Variants in ZBTB20 observed in about 807,000 individuals in gnomAD.
ZBTB20 encodes the protein zinc finger and BTB domain-containing protein 20.
A neutral mutation model predicts 56.9 loss-of-function variants in ZBTB20; 9 were observed. The ratio of observed to expected loss-of-function variants is 0.16; its 90% confidence interval spans 0.10 to 0.28. The LOEUF (loss-of-function observed/expected upper bound fraction) is 0.28, where lower values mean the gene tolerates loss of function less well. ZBTB20 is among the 10% of genes least tolerant of loss of function. ZBTB20 has a pLI of 1.00. For synonymous variants in ZBTB20, 417 were observed against 420.7 expected (o/e 0.99, Z 0.11); for missense variants, 655 against 1,003.0 (o/e 0.65, Z 4.69).
chr3:114,514,028 C>T (rs918543908), intron 6 of ZBTB20, among the ~76,000 whole-genome samples: 1 of 151,730 alleles, frequency 6.6e-6, no homozygotes, highest in African/African-American at 2.4e-5. Context: ...AACAGATATT[C>T]GATTTACCAA....
intron 3 of ZBTB20, among the ~76,000 whole-genome samples, chr3:114,960,147 G>A (rs573403497): frequency 2.4e-4 from 36 of 152,278 alleles, no homozygotes; most frequent in Non-Finnish European, 5.0e-4. Flanking sequence ...GCAGTAACTA[G>A]AATATATAAT....
At chr3:114,597,936 A>G (rs907681101) in intron 6 of ZBTB20, among the ~76,000 whole-genome samples, 1 of 152,192 alleles carries the variant, frequency 6.6e-6, no homozygotes, top group African/African-American at 2.4e-5. Context: ...AAAAATAATT[A>G]TTTTCCCTGT....
intron 6 of ZBTB20, among the ~76,000 whole-genome samples, chr3:114,642,515 G>A (rs567708537): frequency 6.6e-6 from 1 of 152,126 alleles, no homozygotes; most frequent in South Asian, 2.1e-4. Flanking sequence ...GTGAGAAATA[G>A]AGCATACTGA....
intron 4 of ZBTB20, among the ~76,000 whole-genome samples, chr3:114,886,441 T>C (rs2076603945): frequency 6.6e-6 from 1 of 152,214 alleles, no homozygotes; most frequent in Non-Finnish European, 1.5e-5. Flanking sequence ...AATACTTTTG[T>C]CCATCTACGA....
chr3:114,571,795 G>A (rs2053465316), intron 6 of ZBTB20, among the ~76,000 whole-genome samples: 1 of 152,136 alleles, frequency 6.6e-6, no homozygotes, highest in African/African-American at 2.4e-5. Context: ...AGTATCTCTT[G>A]AGGTGGAACT....
Position 115,073,032 on chromosome 3 carries a change from T to C in ZBTB20, c.-702-1618A>G, listed in dbSNP as rs187498229. Among the ~76,000 whole-genome samples the C allele has an allele frequency of 2.5e-4, 38 of 152,318 alleles. No homozygotes were observed. In the Middle Eastern group the frequency reaches 0.024, roughly 95 times the overall value. On this transcript the variant is annotated intron_variant, in intron 1 of 11. Coordinates refer to ENST00000675478, the MANE Select transcript of ZBTB20 (RefSeq NM_001348800.3). The stretch of plus-strand genomic sequence containing the variant: ...TAAGCACAAGGGGTGATTCAATAAA[T>C]GTCAGTCATTATCAGTGTCATTTTC...
chr3:114,886,971 G>C (rs1471478822), intron 4 of ZBTB20, among the ~76,000 whole-genome samples: 1 of 152,178 alleles, frequency 6.6e-6, no homozygotes, highest in Non-Finnish European at 1.5e-5. Flanking sequence ...AGGCTGGGAA[G>C]TCCAAGGTTG....
chr3:114,971,698 A>C (rs894812601), intron 3 of ZBTB20, among the ~76,000 whole-genome samples: 1 of 152,218 alleles, frequency 6.6e-6, no homozygotes, highest in Non-Finnish European at 1.5e-5. Flanking sequence ...CAGGCACATA[A>C]ATGCAGGTAC....
intron 5 of ZBTB20, among the ~76,000 whole-genome samples, chr3:114,798,289 A>G (rs2071459432): frequency 6.6e-6 from 1 of 151,706 alleles, no homozygotes; most frequent in Non-Finnish European, 1.5e-5. Context: ...ATTTGCCTCT[A>G]CAGGACTCGT....
rs115817591 is a variant in ZBTB20 at position 115,018,335 on chromosome 3, C to G, written c.-506-43919G>C. On this transcript the variant is annotated intron_variant, in intron 2 of 11. Transcript: ENST00000675478. ...TTAACAAGATAAAATTAACCACAGACTATAACGAAAAGTAATTTCAGCAGG... is the reference window on the plus strand; with the variant it reads ...TTAACAAGATAAAATTAACCACAGAGTATAACGAAAAGTAATTTCAGCAGG... 6.3e-3 allele frequency among the ~76,000 whole-genome samples: 948 copies of G among 151,236 alleles called. 17 individuals carry two copies. The highest frequency in any genetic ancestry group is 0.02 in the African/African-American group (826 of 41,352).
intron 6 of ZBTB20, among the ~76,000 whole-genome samples, chr3:114,538,839 A>G (rs1357240143): frequency 6.6e-6 from 1 of 152,200 alleles, no homozygotes; most frequent in Non-Finnish European, 1.5e-5. Flanking sequence ...GTATTAAAAA[A>G]TCTCAAAAAT....
chr3:114,655,904 G>A (rs1375349186), intron 6 of ZBTB20, among the ~76,000 whole-genome samples: 1 of 152,046 alleles, frequency 6.6e-6, no homozygotes, highest in Non-Finnish European at 1.5e-5. Flanking sequence ...CATGTAAATA[G>A]ATACTTTAAA....
chr3:115,003,563 T>A (rs2079342516), intron 2 of ZBTB20, among the ~76,000 whole-genome samples: 1 of 151,556 alleles, frequency 6.6e-6, no homozygotes. Context: ...AGTGTGGTGA[T>A]ATGAGCCTAT....
At chr3:114,990,363 T>C (rs1438404988) in intron 2 of ZBTB20, among the ~76,000 whole-genome samples, 1 of 152,162 alleles carries the variant, frequency 6.6e-6, no homozygotes, top group Admixed American at 6.5e-5. Flanking sequence ...GAGATAATCA[T>C]GTGGTTTTTG....
intron 2 of ZBTB20, among the ~76,000 whole-genome samples, chr3:115,062,906 C>A (rs2082063000): frequency 6.6e-6 from 1 of 152,118 alleles, no homozygotes; most frequent in African/African-American, 2.4e-5. Flanking sequence ...GGAAACTATT[C>A]TTTCTTTAAC....
chr3:115,009,649 G>C (rs965747890), intron 2 of ZBTB20, among the ~76,000 whole-genome samples: 2 of 151,874 alleles, frequency 1.3e-5, no homozygotes, highest in African/African-American at 2.4e-5. Context: ...GTGTTGAAAG[G>C]TGGGACTTTT....
intron 6 of ZBTB20, among the ~76,000 whole-genome samples, chr3:114,524,942 G>A (rs535754957): frequency 1.3e-5 from 2 of 152,244 alleles, no homozygotes; most frequent in African/African-American, 4.8e-5. Flanking sequence ...TCGAACTCCT[G>A]ACCTCAAACA....
chr3:115,050,276 T>C (rs2081494489), intron 2 of ZBTB20, among the ~76,000 whole-genome samples: 1 of 152,004 alleles, frequency 6.6e-6, no homozygotes, highest in African/African-American at 2.4e-5. Context: ...ATTAGTAAAT[T>C]AAAATATTAT....
intron 7 of ZBTB20, among the ~76,000 whole-genome samples, chr3:114,455,486 G>C (rs540836081): frequency 2.6e-5 from 4 of 152,214 alleles, no homozygotes; most frequent in African/African-American, 9.6e-5. Flanking sequence ...TTTATGTGCA[G>C]GTGCCAACAT....
Sources: allele counts gnomAD v4.1 joint callset (sites outside exome capture counted in the v4.1 genomes callset), GRCh38; gene constraint gnomAD v4.1.1; transcripts MANE v1.5; gene names NCBI Gene and HGNC (gene_info 2026-07-23, HGNC 2026-07-21).